The following SDK1 variants were observed in gnomAD, a reference collection of about 807,000 sequenced individuals.
The protein encoded by SDK1 is sidekick cell adhesion molecule 1.
SDK1 carries 157 observed loss-of-function variants against 245.5 expected under a neutral mutation model. The observed-to-expected ratio is 0.64, with a 90% CI of 0.56 to 0.73. SDK1 has a LOEUF of 0.73. SDK1 is among the 30% of genes least tolerant of loss of function. The pLI is 0.00. For missense variants in SDK1, 3,583 were observed against 3,002.3 expected (o/e 1.19, Z -4.52); for synonymous variants, 1,647 against 1,278.5 (o/e 1.29, Z -6.15).
chr7:3,936,737 T>C (rs997081582), intron 5 of SDK1, among the ~76,000 whole-genome samples: 2 of 152,166 alleles, frequency 1.3e-5, no homozygotes, highest in Non-Finnish European at 2.9e-5. Flanking sequence ...AAAAGAAGTA[T>C]ACCAAAGTAC....
chr7:3,565,196 T>C (rs1463848628), intron 1 of SDK1, among the ~76,000 whole-genome samples: 3 of 152,078 alleles, frequency 2.0e-5, no homozygotes, highest in African/African-American at 7.2e-5. Context: ...CTTGCTTTCT[T>C]CCATCCGCTG....
chr7:4,129,620 G>A, intron 26 of SDK1: 1 of 1,257,260 alleles, frequency 8.0e-7, no homozygotes. Context: ...GCTGTGGTTG[G>A]CATGGCTGCA....
intron 5 of SDK1, among the ~76,000 whole-genome samples, chr7:3,898,091 G>T (rs1039174092): frequency 6.6e-6 from 1 of 152,204 alleles, no homozygotes; most frequent in Non-Finnish European, 1.5e-5. Context: ...TCATATTCCA[G>T]GGGCAGAGAG....
chr7:3,954,173 G>A (rs1233863979), intron 7 of SDK1, among the ~76,000 whole-genome samples: 3 of 151,398 alleles, frequency 2.0e-5, no homozygotes, highest in South Asian at 4.2e-4. Context: ...CACAGAGGTC[G>A]GCTTCCAGGC....
intron 1 of SDK1, among the ~76,000 whole-genome samples, chr7:3,521,902 A>G (rs1439639872): frequency 6.6e-6 from 1 of 152,196 alleles, no homozygotes; most frequent in African/African-American, 2.4e-5. Context: ...AGATAGTAAT[A>G]TAGGAAATAA....
chr7:3,417,143 A>C (rs1779389515), intron 1 of SDK1, among the ~76,000 whole-genome samples: 1 of 152,164 alleles, frequency 6.6e-6, no homozygotes, highest in Admixed American at 6.5e-5. Flanking sequence ...CACTGCACTC[A>C]AGCCTGGGCA....
chr7:4,119,196 T>C (rs1458345923), intron 25 of SDK1, among the ~76,000 whole-genome samples: 1 of 148,436 alleles, frequency 6.7e-6, no homozygotes, highest in Non-Finnish European at 1.5e-5. Flanking sequence ...GTACCTGTAA[T>C]CCCAACACTT....
At chr7:3,384,582 A>G (rs1204036684) in intron 1 of SDK1, among the ~76,000 whole-genome samples, 1 of 133,636 alleles carries the variant, frequency 7.5e-6, no homozygotes, top group Non-Finnish European at 1.7e-5. Flanking sequence ...CTTGTTTTAC[A>G]TCATACCCTC....
At chr7:4,263,158 A>C (rs939644698) in intron 44 of SDK1, among the ~76,000 whole-genome samples, 2 of 1,172 alleles carry the variant, frequency 1.7e-3, no homozygotes, top group African/African-American at 5.7e-3. Flanking sequence ...TCACCCCCCC[A>C]CCCCCTCCTT....
intron 1 of SDK1, among the ~76,000 whole-genome samples, chr7:3,487,114 A>G (rs1318426414): frequency 6.6e-6 from 1 of 152,218 alleles, no homozygotes; most frequent in African/African-American, 2.4e-5. Flanking sequence ...CTCTGTTCCA[A>G]TAAAATTTTA....
chr7:3,832,134 C>G (rs1023283154), intron 5 of SDK1, among the ~76,000 whole-genome samples: 3 of 152,062 alleles, frequency 2.0e-5, no homozygotes, highest in Admixed American at 2.0e-4. Context: ...CAGTATTATC[C>G]CCTTTTTGCA....
At chr7:3,869,843 C>G (rs1016837135) in intron 5 of SDK1, among the ~76,000 whole-genome samples, 1 of 152,142 alleles carries the variant, frequency 6.6e-6, no homozygotes, top group Admixed American at 6.5e-5. Context: ...ACGTTGCTTG[C>G]GAACTTTAAC....
At chr7:3,711,045 A>T (rs957672832) in intron 4 of SDK1, among the ~76,000 whole-genome samples, 2 of 152,210 alleles carry the variant, frequency 1.3e-5, no homozygotes, top group Non-Finnish European at 2.9e-5. Flanking sequence ...TTGTGTATTC[A>T]TAAGGTATAA....
chr7:4,074,226 C>A (rs1780471658), intron 20 of SDK1, among the ~76,000 whole-genome samples: 1 of 151,852 alleles, frequency 6.6e-6, no homozygotes, highest in African/African-American at 2.4e-5. Context: ...GGGGTGGGGA[C>A]AACTGAGGGA....
intron 1 of SDK1, among the ~76,000 whole-genome samples, chr7:3,482,494 T>C (rs1164337686): frequency 2.0e-5 from 3 of 152,020 alleles, no homozygotes; most frequent in Non-Finnish European, 4.4e-5. Flanking sequence ...GTCCGTAATG[T>C]AAAAGGTGAA....
chr7:3,730,351 C>A (rs1779142545), intron 4 of SDK1, among the ~76,000 whole-genome samples: 1 of 152,102 alleles, frequency 6.6e-6, no homozygotes, highest in African/African-American at 2.4e-5. Context: ...TTTCTTCAGC[C>A]CTGGTGAGAG....
intron 1 of SDK1, among the ~76,000 whole-genome samples, chr7:3,320,686 A>G (rs775336448): frequency 1.3e-5 from 2 of 152,190 alleles, no homozygotes; most frequent in Admixed American, 6.5e-5. Flanking sequence ...CCATCCCAGA[A>G]TAAGTCCTGC....
Position 3,613,311 on chromosome 7 carries a change from A to C in SDK1, c.299-5769A>C, listed in dbSNP as rs959523482. 3.3e-5 allele frequency among the ~76,000 whole-genome samples: 5 copies of C among 152,160 alleles called. 1 individual carries two copies. Among genetic ancestry groups the C allele is most frequent in the African/African-American group, 1.2e-4 (5 of 41,428 alleles). On this transcript the variant is annotated intron_variant, in intron 1 of 44. Coordinates refer to ENST00000404826, the MANE Select transcript of SDK1 (RefSeq NM_152744.4). ...ATGGGTCATGGTCCCTTTCTAGATG[A>C]GCAGAAGATTATTCTCACATTGGAG...
intron 4 of SDK1, among the ~76,000 whole-genome samples, chr7:3,729,826 G>A (rs951577720): frequency 6.6e-5 from 10 of 151,870 alleles, no homozygotes; most frequent in South Asian, 2.1e-4. Flanking sequence ...TTTAAGAACC[G>A]AGAAAATCCT....
Sources: gnomAD v4.1 joint callset for allele counts (sites outside exome capture counted in the v4.1 genomes callset) on GRCh38, gnomAD v4.1.1 for gene constraint, MANE v1.5 for transcripts, NCBI Gene and HGNC (gene_info 2026-07-23, HGNC 2026-07-21) for gene names.